Variants in CUL7 observed in about 807,000 individuals in gnomAD.
The protein encoded by CUL7 is cullin 7.
CUL7 carries 96 observed loss-of-function variants against 177.7 expected under a neutral mutation model. The ratio of observed to expected loss-of-function variants is 0.54; its 90% confidence interval spans 0.46 to 0.64. The LOEUF is 0.64. CUL7 is among the 30% of genes least tolerant of loss of function. CUL7 has a pLI of 0.00. For missense variants in CUL7, 1,893 were observed against 2,187.9 expected, an observed-to-expected ratio of 0.87 and a Z score of 2.69; for synonymous variants, 824 against 890.2, an observed-to-expected ratio of 0.93 and a Z score of 1.32.
rs114982013 is a variant in CUL7, at chr6:43,053,835, C to T, written c.-222G>A. The T allele has an allele frequency of 1.4e-3, 2,143 of 1,533,074 alleles. 33 individuals carry two copies. In the African/African-American group the frequency reaches 0.026, roughly 19 times the overall value. The allele number at this position is 1,533,074 out of a possible 1,614,324, so 95.0% of individuals were successfully genotyped here. On this transcript the variant is annotated 5_prime_UTR_variant, in exon 1 of 26. Transcript: ENST00000265348. The surrounding 1 kb of genome is among the most constrained non-coding windows in gnomAD (Gnocchi z 4.1). ...GGGGCCCGGTCCCTGCCAGCGGCTC[C>T]GCCAGCCAAAAGCCACGGCTCATTT...
chr6:43,051,814 G>C lies in CUL7; in HGVS notation c.581-51C>G, dbSNP rs1314734367. 1.1e-5 allele frequency: 17 copies of C among 1,596,574 alleles called. No individual in the cohort carries two copies. The highest frequency in any genetic ancestry group is 5.5e-5 in the South Asian group (5 of 90,338). On this transcript the variant is annotated intron_variant, in intron 2 of 25. Transcript: ENST00000265348. The surrounding 1 kb of genome is among the most constrained non-coding windows in gnomAD (Gnocchi z 5.0). Reference sequence around the variant, plus strand: ...CTTCTCCCTAATCTCACCCTTCCTAGAAATCTTAGACCCTCTACTCTTTCA... The same window carrying C: ...CTTCTCCCTAATCTCACCCTTCCTACAAATCTTAGACCCTCTACTCTTTCA...
chr6:43,040,029 G>T lies in CUL7; in HGVS notation c.4294+127C>A, dbSNP rs1290119711. ...TGCTGGGATTACAGGCGTGAGCACT[G>T]TGCCCAGCCAAAGACTATCTCTTTT... On this transcript the variant is annotated intron_variant, in intron 22 of 25. Transcript: ENST00000265348. This position sits in a 1 kb window ranked among gnomAD's most constrained non-coding sequence, Gnocchi z 4.2. 5 of 1,181,842 alleles carry T rather than the reference G, an allele frequency of 4.2e-6. No individual in the cohort carries two copies. In the African/African-American group the frequency reaches 7.5e-5, roughly 18 times the overall value. The allele number at this position is 1,181,842 out of a possible 1,614,324, so 73.2% of individuals were successfully genotyped here. A position where few individuals can be genotyped will look rare whatever the true frequency, so the allele number is the denominator to read the frequency against.
intron 9 of CUL7, among the ~76,000 whole-genome samples, chr6:43,047,789 AAG>A (rs779905016): frequency 6.6e-6 from 1 of 152,152 alleles, no homozygotes; most frequent in Non-Finnish European, 1.5e-5. Flanking sequence ...TTGTGTAAAA[AAG>A]AGAGTGGCAA....
intron 10 of CUL7, 46 bp downstream of exon 10, chr6:43,046,834 A>C: frequency 7.6e-7 from 1 of 1,323,328 alleles, no homozygotes; most frequent in Middle Eastern, 1.8e-4. Context: ...CTTGGGTTTC[A>C]TATTCTGATG....
Position 43,052,112 on chromosome 6 carries a change from C to T in CUL7, c.580+97G>A. On this transcript the variant is annotated intron_variant, in intron 2 of 25. Transcript: ENST00000265348. This position sits in a 1 kb window ranked among gnomAD's most constrained non-coding sequence, Gnocchi z 4.5. ...GAAGGGCAACAGAATCATTTACGTA[C>T]TGATGAGATCAGAGGCTCCTGCCAC... The T allele has an allele frequency of 1.9e-6, 3 of 1,562,204 alleles. No individual in the cohort carries two copies. Among genetic ancestry groups the T allele is most frequent in the Non-Finnish European group, 2.6e-6 (3 of 1,153,502 alleles).
chr6:43,052,005 T>A lies in CUL7; in HGVS notation c.580+204A>T. ...AAAAAGCAACTAATTAATATGAGGT[T>A]CTTGAAGATAGTCTTTCCTCTTTTG... On this transcript the variant is annotated intron_variant, in intron 2 of 25. Coordinates refer to ENST00000265348, the MANE Select transcript of CUL7 (RefSeq NM_014780.5). This position sits in a 1 kb window ranked among gnomAD's most constrained non-coding sequence, Gnocchi z 4.5. The A allele has an allele frequency of 1.0e-6, 1 of 1,004,066 alleles. No individual in the cohort carries two copies. Among genetic ancestry groups the A allele is most frequent in the South Asian group, 1.6e-5 (1 of 61,450 alleles). 62.2% of individuals were successfully genotyped at this position (1,004,066 alleles called of 1,614,324 possible). A position where few individuals can be genotyped will look rare whatever the true frequency, so the allele number is the denominator to read the frequency against.
rs781118195 is a variant in CUL7, at chr6:43,051,683, G to A, written c.661C>T (p.Leu221=). 1.5e-5 allele frequency: 25 copies of A among 1,614,054 alleles called. No homozygotes were observed. The Middle Eastern group carries it at 6.6e-4, about 42-fold the overall frequency. Residue 221 remains leucine, a synonymous_variant, in exon 3 of 26, where the codon CTG becomes TTG. Coordinates refer to ENST00000265348, the MANE Select transcript of CUL7 (RefSeq NM_014780.5). The surrounding 1 kb of genome is among the most constrained non-coding windows in gnomAD (Gnocchi z 5.0). ...GTGGCCTGTGCAAACAGTGCTAGCA[G>A]AGCACAGCGGCTGTCAAAATCCAGG... is the stretch of plus-strand genomic sequence containing the variant. ...KHLDFDSRCA[L]LALFAQATLS...
Position 43,040,965 on chromosome 6 carries a change from G to T in CUL7, c.3756C>A (p.Val1252=). ...CTATCTCCAAGCCGGAGAAAATCAG[G>T]ACAGCTTGCAGGCATTGCTGCAGCT... The part of the protein sequence containing the change: ...LAQLQQCLQA[V]LIFSGLEIAT... Residue 1252 remains valine (V), a synonymous_variant, in exon 20 of 26, where the codon GTC becomes GTA. Coordinates refer to ENST00000265348, the MANE Select transcript of CUL7 (RefSeq NM_014780.5). This position sits in a 1 kb window ranked among gnomAD's most constrained non-coding sequence, Gnocchi z 4.2. 1.2e-6 allele frequency: 2 copies of T among 1,613,390 alleles called. No individual in the cohort carries two copies. The highest frequency in any genetic ancestry group is 1.7e-6 in the Non-Finnish European group (2 of 1,179,688).
rs1430112354 is a variant in CUL7 at position 43,040,132 on chromosome 6, C to CAGTCCCT, written c.4294+17_4294+23dup. The CAGTCCCT allele has an allele frequency of 3.1e-6, 5 of 1,614,024 alleles. No homozygotes were observed. On this transcript the variant is annotated intron_variant, in intron 22 of 25. Coordinates refer to ENST00000265348, the MANE Select transcript of CUL7 (RefSeq NM_014780.5). This position sits in a 1 kb window ranked among gnomAD's most constrained non-coding sequence, Gnocchi z 4.2. ...AGCAGCCCACCCTCTCCCCAGTCCC[C>CAGTCCCT]AGTCCCTCTGCCTGGCTGCTCACTC...
chr6:43,051,092 G>A lies in CUL7; in HGVS notation c.1109C>T (p.Ala370Val), dbSNP rs1003781109. The change falls in exon 4 of 26, where the codon GCT becomes GTT. Residue 370 changes from alanine (A) to valine (V), a missense_variant. Ala to Val is a moderately conservative substitution (Grantham distance 64, BLOSUM62 0). Coordinates refer to ENST00000265348, the MANE Select transcript of CUL7 (RefSeq NM_014780.5). This position sits in a 1 kb window ranked among gnomAD's most constrained non-coding sequence, Gnocchi z 5.0. ...CTGCAGTGTGTCCCGCACATACAAA[G>A]CATAGGTATTGCCACTTGCGAACTC... is the stretch of plus-strand genomic sequence containing the variant. ...RSEFASGNTY[A>V]LYVRDTLQPG... is the part of the protein sequence containing the mutation. The A allele has an allele frequency of 7.4e-6, 12 of 1,614,070 alleles. No individual in the cohort carries two copies. Among genetic ancestry groups the A allele is most frequent in the African/African-American group, 1.3e-5 (1 of 74,916 alleles).
Position 43,043,966 on chromosome 6 carries a change from T to C in CUL7, c.3173-336A>G, listed in dbSNP as rs1430101858. On this transcript the variant is annotated intron_variant, in intron 16 of 25. Coordinates refer to ENST00000265348, the MANE Select transcript of CUL7 (RefSeq NM_014780.5). This position sits in a 1 kb window ranked among gnomAD's most constrained non-coding sequence, Gnocchi z 4.2. ...GCTGAGGTGGGTGGATCACCTGAGG[T>C]CGGGAGTTCGAGATCAGCCTGACCA... Among the ~76,000 whole-genome samples, 1 of 151,204 alleles carries C rather than the reference T, an allele frequency of 6.6e-6. No homozygotes were observed. Among genetic ancestry groups the C allele is most frequent in the Non-Finnish European group, 1.5e-5 (1 of 67,838 alleles).
At position 43,045,990 on chromosome 6, in the gene CUL7, T is replaced by TTGAGTTCC; in HGVS notation, c.2754_2761dup (p.Asn921ArgfsTer6). 1 of 1,613,054 alleles carries TTGAGTTCC rather than the reference T, an allele frequency of 6.2e-7. No homozygotes were observed. Among genetic ancestry groups the TTGAGTTCC allele is most frequent in the South Asian group, 1.1e-5 (1 of 91,020 alleles). ...CTAATGGCCCTGGGGTCCTACCGAG[T>TTGAGTTCC]TGAGTTCCGTGTGAAGAGAGCTAGT... On this transcript the variant is annotated frameshift_variant, in exon 13 of 26. Coordinates refer to ENST00000265348, the MANE Select transcript of CUL7 (RefSeq NM_014780.5). LOFTEE classifies it high-confidence loss of function. This position sits in a 1 kb window ranked among gnomAD's most constrained non-coding sequence, Gnocchi z 4.8.
At position 43,045,886 on chromosome 6, in the gene CUL7, G is replaced by A; in HGVS notation, c.2766+100C>T. 2 of 1,127,392 alleles carry A rather than the reference G, an allele frequency of 1.8e-6. No homozygotes were observed. Among genetic ancestry groups the A allele is most frequent in the Non-Finnish European group, 2.6e-6 (2 of 755,556 alleles). 69.8% of individuals were successfully genotyped at this position (1,127,392 alleles called of 1,614,324 possible). A position where few individuals can be genotyped will look rare whatever the true frequency, so the allele number is the denominator to read the frequency against. Reference sequence around the variant, plus strand: ...GGACACTACTTTCTGTGGGGCTCAAGACAGGTGGGAGTTAGAAAAAAGTAG... The same window carrying A: ...GGACACTACTTTCTGTGGGGCTCAAAACAGGTGGGAGTTAGAAAAAAGTAG... On this transcript the variant is annotated intron_variant, in intron 13 of 25. Coordinates refer to ENST00000265348, the MANE Select transcript of CUL7 (RefSeq NM_014780.5). This position sits in a 1 kb window ranked among gnomAD's most constrained non-coding sequence, Gnocchi z 4.8.
At chr6:43,046,744 G>C in intron 10 of CUL7, 136 bp downstream of exon 10, 1 of 1,367,710 alleles carries the variant, frequency 7.3e-7, no homozygotes, top group Non-Finnish European at 1.0e-6. Context: ...GGGGCAGAGG[G>C]GAAGGGGAAC....
In CUL7 at chr6:43,045,335, A is replaced by C; in HGVS notation, c.2930T>G (p.Phe977Cys). 6.2e-7 allele frequency: 1 copy of C among 1,614,190 alleles called. No homozygotes were observed. Among genetic ancestry groups the C allele is most frequent in the Non-Finnish European group, 8.5e-7 (1 of 1,180,032 alleles). ...TGTGTGACGACAGAGCTGCTCCCGG[A>C]ACACTGGCCAGAACGTGGGCTTGGG... ...LGPKPTFWPV[F>C]REQLCRHTRL... The change falls in exon 15 of 26, where the codon TTC (phenylalanine) becomes TGC (cysteine). Residue 977 changes from phenylalanine (F) to cysteine (C), a missense_variant. Physicochemically the swap from Phe to Cys is radical, Grantham distance 205. Around this residue, in one of 5 missense-constraint regions of CUL7, gnomAD observed 973 missense variants for 1,140.9 expected, o/e 0.85. Coordinates refer to ENST00000265348, the MANE Select transcript of CUL7 (RefSeq NM_014780.5). The surrounding 1 kb of genome is among the most constrained non-coding windows in gnomAD (Gnocchi z 4.8).
rs1440264087 is a variant in CUL7 at position 43,049,654 on chromosome 6, A to G, written c.1578T>C (p.Asp526=). Residue 526 remains aspartate, a synonymous_variant, in exon 7 of 26, where the codon GAT becomes GAC. Transcript: ENST00000265348. ...LQENLDGEIL[D]DEILAELAVP... ...CGGCCAGTTCAGCTAGGATCTCATC[A>G]TCCAGAATCTGCCATCAAGGAGAAG... The G allele has an allele frequency of 6.2e-7, 1 of 1,614,050 alleles. No individual in the cohort carries two copies. Among genetic ancestry groups the G allele is most frequent in the East Asian group, 2.2e-5 (1 of 44,880 alleles).
At position 43,045,273 on chromosome 6, in the gene CUL7, G is replaced by A; in HGVS notation, c.2992C>T (p.Gln998Ter). 6.2e-7 allele frequency: 1 copy of A among 1,614,142 alleles called. No individual in the cohort carries two copies. The highest frequency in any genetic ancestry group is 8.5e-7 in the Non-Finnish European group (1 of 1,180,034). ...FYMVRAQAWS[Q>*]DMAEDRRSLL... The stretch of plus-strand genomic sequence containing the variant: ...CTCCTGCGGTCCTCTGCCATGTCCT[G>A]GCTCCAGGCCTGTGCCCGAACCATG... The change falls in exon 15 of 26, where the codon CAG (glutamine) becomes TAG (stop). Residue 998 changes from glutamine (Q) to a stop codon, truncating the protein, a stop_gained. Coordinates refer to ENST00000265348, the MANE Select transcript of CUL7 (RefSeq NM_014780.5). LOFTEE classifies it high-confidence loss of function. This position sits in a 1 kb window ranked among gnomAD's most constrained non-coding sequence, Gnocchi z 4.8.
At chr6:43,046,437 A>C in intron 11 of CUL7, 30 bp from the exon 12 acceptor site, 2 of 1,614,182 alleles carry the variant, frequency 1.2e-6, no homozygotes, top group Non-Finnish European at 1.7e-6. Context: ...GGTGGTGGTC[A>C]CGGTCAGGTA....
chr6:43,037,801 G>A lies in CUL7; in HGVS notation c.4984C>T (p.Pro1662Ser). 1.2e-6 allele frequency: 2 copies of A among 1,607,104 alleles called. No homozygotes were observed. Among genetic ancestry groups the A allele is most frequent in the Non-Finnish European group, 1.7e-6 (2 of 1,176,928 alleles). The change falls in exon 26 of 26, where the codon CCA becomes TCA. Residue 1662 changes from proline to serine, a missense_variant. Coordinates refer to ENST00000265348, the MANE Select transcript of CUL7 (RefSeq NM_014780.5). ...GGTGGGTTGGGGCCTGAGGAGCCTG[G>A]GTTCAGGGACTCAGTGTGAGGCTCC... is the stretch of plus-strand genomic sequence containing the variant. Reference protein sequence around the residue: ...VMEPHTESLNPGSSGPNPPLT... With the variant: ...VMEPHTESLNSGSSGPNPPLT...
Sources: allele counts gnomAD v4.1 joint callset (sites outside exome capture counted in the v4.1 genomes callset), GRCh38; gene constraint gnomAD v4.1.1; regional missense constraint gnomAD v4.1.1; non-coding constraint Gnocchi (gnomAD v3.1); transcripts MANE v1.5; gene names NCBI Gene and HGNC (gene_info 2026-07-23, HGNC 2026-07-21).